PCDHA4: variants seen among roughly 807,000 people sequenced by gnomAD.
The protein encoded by PCDHA4 is protocadherin alpha 4.
In PCDHA4, 49 loss-of-function variants were observed where a neutral mutation model predicts 61.4. That is an observed-to-expected ratio of 0.80 (90% CI 0.63 to 1.01). PCDHA4 has a LOEUF of 1.01. Ranked by LOEUF, PCDHA4 falls within the 50% of genes least tolerant of loss-of-function variation. The probability of loss-of-function intolerance (pLI) is 0.00; values close to 1 mark genes in which losing one functional copy is unlikely to be tolerated. For synonymous variants in PCDHA4, 590 were observed against 550.3 expected (o/e 1.07, Z -1.01); for missense variants, 1,254 against 1,235.8 (o/e 1.01, Z -0.22).
At chr5:140,900,290 G>GT (rs1292990700) in intron 1 of PCDHA4, among the ~76,000 whole-genome samples, 2 of 151,548 alleles carry the variant, frequency 1.3e-5, no homozygotes, top group Non-Finnish European at 2.9e-5. Context: ...TTTCTTTTCT[G>GT]TTTTTTTAGA....
chr5:140,844,854 T>C (rs1315515801), intron 1 of PCDHA4, among the ~76,000 whole-genome samples: 10 of 149,524 alleles, frequency 6.7e-5, no homozygotes, highest in African/African-American at 2.4e-4. Context: ...CTGTTGGACC[T>C]GCCTGGATAT....
At chr5:140,875,837 A>T in intron 1 of PCDHA4, 1 of 1,614,140 alleles carries the variant, frequency 6.2e-7, no homozygotes, top group Non-Finnish European at 8.5e-7. Context: ...GTGGACGTGG[A>T]GGTGAAGGAC....
chr5:140,884,247 CG>C (rs1220799816), intron 1 of PCDHA4: 1 of 1,613,280 alleles, frequency 6.2e-7, no homozygotes, highest in Non-Finnish European at 8.5e-7. Flanking sequence ...CCCGCGCTGA[CG>C]GCCACGGCAA....
rs1325948776 is a variant in PCDHA4 at position 140,807,440 on chromosome 5, T to C, written c.253T>C (p.Phe85Leu). 1.2e-6 allele frequency: 2 copies of C among 1,602,736 alleles called. No individual in the cohort carries two copies. Among genetic ancestry groups the C allele is most frequent in the African/African-American group, 2.8e-5 (2 of 71,802 alleles). The change falls in exon 1 of 4, where the codon TTT becomes CTT. Residue 85 changes from phenylalanine (F) to leucine (L), a missense_variant. Coordinates refer to ENST00000530339, the MANE Select transcript of PCDHA4 (RefSeq NM_018907.4). ...GGTAAATCTGCAGAATGGCATTTTGTTTGTGAATTCTCGGATCGACCGGGA... is the reference window on the plus strand; with the variant it reads ...GGTAAATCTGCAGAATGGCATTTTGCTTGTGAATTCTCGGATCGACCGGGA... ...LEVNLQNGIL[F>L]VNSRIDREEL...
At chr5:140,985,391 C>T (rs2097149590) in intron 3 of PCDHA4, among the ~76,000 whole-genome samples, 1 of 152,136 alleles carries the variant, frequency 6.6e-6, no homozygotes, top group Non-Finnish European at 1.5e-5. Context: ...TCCAGTCACC[C>T]CAACTGTTCC....
Position 140,807,308 on chromosome 5 carries a change from C to T in PCDHA4, c.121C>T (p.His41Tyr), listed in dbSNP as rs1554123867. 3 of 1,614,140 alleles carry T rather than the reference C, an allele frequency of 1.9e-6. No individual in the cohort carries two copies. The highest frequency in any genetic ancestry group is 1.7e-6 in the Non-Finnish European group (2 of 1,180,038). ...CTACTCGGTCTCCGAGGAGGCCAAA[C>T]ACGGCACCTTCGTGGGCCGCATCGC... ...LHYSVSEEAK[H>Y]GTFVGRIAQD... The change falls in exon 1 of 4, where the codon CAC (histidine) becomes TAC (tyrosine). Residue 41 changes from histidine to tyrosine, a missense_variant. His to Tyr is a moderately conservative substitution (Grantham distance 83, BLOSUM62 2). Transcript: ENST00000530339.
rs182361197 is a variant in PCDHA4, at chr5:140,979,956, T to G, written c.2444+949T>G. 2.0e-5 allele frequency among the ~76,000 whole-genome samples: 3 copies of G among 152,378 alleles called. No homozygotes were observed. In the East Asian group the frequency reaches 5.8e-4, roughly 29 times the overall value. ...GTGTAGAGTTAATGTGAAATTAGTT[T>G]TAGCCCATTAAAATGCATTAGATTG... On this transcript the variant is annotated intron_variant, in intron 2 of 3. Transcript: ENST00000530339.
chr5:140,851,789 C>G, intron 1 of PCDHA4: 1 of 955,732 alleles, frequency 1.0e-6, no homozygotes, highest in Non-Finnish European at 1.3e-6. Context: ...TGAGAATTCA[C>G]TTGTTCTGTC....
intron 3 of PCDHA4, among the ~76,000 whole-genome samples, chr5:140,991,620 T>C (rs2097462467): frequency 6.6e-6 from 1 of 152,212 alleles, no homozygotes; most frequent in Non-Finnish European, 1.5e-5. Flanking sequence ...TTTAATGCCA[T>C]ATTTGTAATA....
intron 1 of PCDHA4, chr5:140,875,963 T>C: frequency 4.3e-6 from 7 of 1,614,122 alleles, no homozygotes; most frequent in Non-Finnish European, 5.9e-6. Context: ...GATATCGGCG[T>C]AAACTCTCTT....
chr5:140,853,239 A>G (rs2150529987), intron 1 of PCDHA4: 14 of 978,474 alleles, frequency 1.4e-5, no homozygotes, highest in Middle Eastern at 5.3e-4. Flanking sequence ...AGTCCTTCAT[A>G]TTAATCTCTA....
chr5:140,941,214 C>CTTCTTTCTTTCTTT (rs1554214039), intron 1 of PCDHA4, among the ~76,000 whole-genome samples: 1 of 122,414 alleles, frequency 8.2e-6, no homozygotes. Flanking sequence ...TTTCTTTCTT[C>CTTCTTTCTTTCTTT]CTTTCTTTCT....
At chr5:140,868,256 T>TGG (rs2050360583) in intron 1 of PCDHA4, 1 of 152,126 alleles carries the variant, frequency 6.6e-6, no homozygotes, top group Non-Finnish European at 1.5e-5. Context: ...TTTTCCTTTG[T>TGG]GGATTCTTTT....
intron 1 of PCDHA4, among the ~76,000 whole-genome samples, chr5:140,956,942 A>G (rs2153711637): frequency 6.7e-6 from 1 of 148,840 alleles, no homozygotes; most frequent in Admixed American, 6.8e-5. Flanking sequence ...GATAAAATTT[A>G]CATTAAAACA....
At chr5:140,829,620 T>C (rs1770444149) in intron 1 of PCDHA4, 2 of 1,612,108 alleles carry the variant, frequency 1.2e-6, no homozygotes, top group East Asian at 4.5e-5. Context: ...TACATTTCGG[T>C]GCACGCGGAG....
intron 3 of PCDHA4, among the ~76,000 whole-genome samples, chr5:141,000,391 C>CTA (rs2097912428): frequency 7.9e-4 from 45 of 56,656 alleles, no homozygotes; most frequent in East Asian, 1.2e-3. Flanking sequence ...CTCTCTCTCT[C>CTA]TCTCTATATA....
Position 140,808,815 on chromosome 5 carries a change from C to T in PCDHA4, c.1628C>T (p.Pro543Leu), listed in dbSNP as rs782363831. 2.5e-6 allele frequency: 4 copies of T among 1,612,732 alleles called. No individual in the cohort carries two copies. The highest frequency in any genetic ancestry group is 3.4e-6 in the Non-Finnish European group (4 of 1,179,860). Reference sequence around the variant, plus strand: ...GTGACCGCTCGCGATGCCGGCGTGCCACCTCTGGGCAGCAACGTGACGCTG... The same window carrying T: ...GTGACCGCTCGCGATGCCGGCGTGCTACCTCTGGGCAGCAACGTGACGCTG... Reference protein sequence around the residue: ...FQVTARDAGVPPLGSNVTLQV... With the variant: ...FQVTARDAGVLPLGSNVTLQV... The change falls in exon 1 of 4, where the codon CCA (proline) becomes CTA (leucine). Residue 543 changes from proline (P) to leucine (L), a missense_variant. Transcript: ENST00000530339.
intron 1 of PCDHA4, chr5:140,882,765 CGG>C: frequency 6.2e-7 from 1 of 1,614,222 alleles, no homozygotes; most frequent in Non-Finnish European, 8.5e-7. Flanking sequence ...GGAGTAAACT[CGG>C]CATTGACCTA....
chr5:140,839,429 G>A (rs1462017919), intron 1 of PCDHA4, among the ~76,000 whole-genome samples: 4 of 151,864 alleles, frequency 2.6e-5, no homozygotes, highest in Non-Finnish European at 4.4e-5. Context: ...TCACTCTGTA[G>A]CCCAGACTGC....
Sources: allele counts gnomAD v4.1 joint callset (sites outside exome capture counted in the v4.1 genomes callset), GRCh38; gene constraint gnomAD v4.1.1; transcripts MANE v1.5; gene names NCBI Gene and HGNC (gene_info 2026-07-23, HGNC 2026-07-21).